BMP7: variants seen among roughly 807,000 people sequenced by gnomAD.
The protein encoded by BMP7 is bone morphogenetic protein 7.
In BMP7, 12 loss-of-function variants were observed where a neutral mutation model predicts 41.2. The observed-to-expected ratio is 0.29, with a 90% confidence interval of 0.19 to 0.47. BMP7 has a LOEUF of 0.47. BMP7 is among the 20% of genes least tolerant of loss of function. The pLI is 0.99. For missense variants in BMP7, 467 were observed against 606.0 expected, an observed-to-expected ratio of 0.77 and a Z score of 2.41; for synonymous variants, 248 against 250.0, an observed-to-expected ratio of 0.99 and a Z score of 0.07.
At chr20:57,240,901 T>C (rs1001697172) in intron 1 of BMP7, among the ~76,000 whole-genome samples, 4 of 152,212 alleles carry the variant, frequency 2.6e-5, no homozygotes, top group Non-Finnish European at 5.9e-5. Flanking sequence ...CAAGTTGAGA[T>C]TTGGTAGGGA....
chr20:57,236,806 G>T (rs1156844495), intron 1 of BMP7, among the ~76,000 whole-genome samples: 4 of 151,642 alleles, frequency 2.6e-5, no homozygotes, highest in African/African-American at 9.7e-5. Flanking sequence ...GTGGCCAGTT[G>T]CACATGAAAG....
intron 1 of BMP7, among the ~76,000 whole-genome samples, chr20:57,248,298 C>G (rs1313052797): frequency 6.6e-6 from 1 of 152,142 alleles, no homozygotes; most frequent in Non-Finnish European, 1.5e-5. Context: ...ATGTGGCCAC[C>G]CAACAACCAC....
intron 1 of BMP7, among the ~76,000 whole-genome samples, chr20:57,250,868 T>C (rs1055257082): frequency 6.6e-6 from 1 of 152,148 alleles, no homozygotes; most frequent in Non-Finnish European, 1.5e-5. Context: ...ATACACCCAG[T>C]TTCCTGTTTT....
chr20:57,264,851 G>T (rs1256988102), intron 1 of BMP7, among the ~76,000 whole-genome samples: 1 of 151,940 alleles, frequency 6.6e-6, no homozygotes, highest in Non-Finnish European at 1.5e-5. Context: ...GCCTAACATG[G>T]AGAAACCCTG....
chr20:57,201,967 A>C (rs1363379453), intron 3 of BMP7, among the ~76,000 whole-genome samples: 1 of 152,248 alleles, frequency 6.6e-6, no homozygotes, highest in Non-Finnish European at 1.5e-5. Flanking sequence ...GCCTTGCACA[A>C]GGGCAATTTT....
rs2148328 is a variant in BMP7 at position 57,173,150 on chromosome 20, G to A, written c.1146+50C>T. 749,785 of 1,564,692 alleles carry A rather than the reference G, an allele frequency of 0.48. 184,948 individuals are homozygous for A. Among genetic ancestry groups the A allele is most frequent in the East Asian group, 0.67 (29,583 of 44,342 alleles). On this transcript the variant is annotated intron_variant, in intron 6 of 6. Coordinates refer to ENST00000395863, the MANE Select transcript of BMP7 (RefSeq NM_001719.3). ...GGAGGCAGCAGGATCTGGTGGCCCC[G>A]CAGCCTGCCCGGCCCAGGTGACCAC...
chr20:57,183,208 C>T (rs1358254825), intron 4 of BMP7, among the ~76,000 whole-genome samples: 1 of 150,982 alleles, frequency 6.6e-6, no homozygotes, highest in Non-Finnish European at 1.5e-5. Context: ...GCACTGCAGC[C>T]TGGGTGACAG....
chr20:57,187,503 G>A (rs1568707657), intron 3 of BMP7, among the ~76,000 whole-genome samples: 1 of 151,474 alleles, frequency 6.6e-6, no homozygotes, highest in Non-Finnish European at 1.5e-5. Context: ...AAGTATCCTG[G>A]AGGTTTCTGG....
At chr20:57,205,471 G>T (rs929950751) in intron 2 of BMP7, among the ~76,000 whole-genome samples, 1 of 152,164 alleles carries the variant, frequency 6.6e-6, no homozygotes, top group Non-Finnish European at 1.5e-5. Context: ...TACCAAGGTT[G>T]TCAATGAACC....
chr20:57,179,314 C>T (rs1984014798), intron 4 of BMP7, among the ~76,000 whole-genome samples: 1 of 152,242 alleles, frequency 6.6e-6, no homozygotes. Flanking sequence ...ACAGCCCTGA[C>T]GCCAGCACCG....
At chr20:57,219,201 G>A (rs940182329) in intron 2 of BMP7, among the ~76,000 whole-genome samples, 4 of 142,980 alleles carry the variant, frequency 2.8e-5, no homozygotes, top group Admixed American at 2.0e-4. Context: ...GTGGTAGCTG[G>A]TGTTTGTTCG....
intron 2 of BMP7, among the ~76,000 whole-genome samples, chr20:57,217,109 C>A (rs35130793): frequency 0.41 from 61,900 of 151,958 alleles, 14,147 homozygotes; most frequent in Non-Finnish European, 0.52. Flanking sequence ...AGGAGAATGA[C>A]CATGACAGGT....
intron 3 of BMP7, among the ~76,000 whole-genome samples, chr20:57,196,823 A>C (rs1183263104): frequency 6.6e-6 from 1 of 152,166 alleles, no homozygotes; most frequent in African/African-American, 2.4e-5. Context: ...ACCCCATCTC[A>C]AAAATAATCT....
chr20:57,216,958 G>A (rs1448391741), intron 2 of BMP7, among the ~76,000 whole-genome samples: 1 of 152,162 alleles, frequency 6.6e-6, no homozygotes. Context: ...GTGATGCTGG[G>A]GAAGCTGGAG....
chr20:57,217,072 C>T (rs46997), intron 2 of BMP7, among the ~76,000 whole-genome samples: 99,530 of 152,032 alleles, frequency 0.65, 33,677 homozygotes, highest in African/African-American at 0.83. Context: ...GGGATGGAGG[C>T]AGGACTCAGC....
At position 57,265,811 on chromosome 20, in the gene BMP7, G is replaced by A. The variant is rs745308771; in HGVS notation, c.312C>T (p.Ser104=). 6.2e-7 allele frequency: 1 copy of A among 1,608,470 alleles called. No individual in the cohort carries two copies. Among genetic ancestry groups the A allele is most frequent in the Non-Finnish European group, 8.5e-7 (1 of 1,177,886 alleles). Residue 104 remains serine, a synonymous_variant, in exon 1 of 7, where the codon TCC becomes TCT. Coordinates refer to ENST00000395863, the MANE Select transcript of BMP7 (RefSeq NM_001719.3). ...TACTGAAGACGGCCTTGTAGGGGTA[G>A]GAGAAGCCCTGGCCGCCGGGCCCGC... The part of the protein sequence containing the change: ...EGGGPGGQGF[S]YPYKAVFSTQ...
intron 3 of BMP7, among the ~76,000 whole-genome samples, chr20:57,198,405 T>C (rs1003796446): frequency 6.6e-6 from 1 of 152,142 alleles, no homozygotes; most frequent in African/African-American, 2.4e-5. Context: ...TCCTCTCTTC[T>C]GTATTAAGGG....
At chr20:57,258,068 C>A (rs995875486) in intron 1 of BMP7, among the ~76,000 whole-genome samples, 3 of 152,050 alleles carry the variant, frequency 2.0e-5, no homozygotes, top group African/African-American at 7.2e-5. Context: ...TTATTCGTGG[C>A]CAATTTTAAT....
At chr20:57,197,242 A>C (rs975013063) in intron 3 of BMP7, among the ~76,000 whole-genome samples, 1 of 151,886 alleles carries the variant, frequency 6.6e-6, no homozygotes, top group Admixed American at 6.6e-5. Context: ...AGCCCATAGA[A>C]GTCAAGGGCA....
Sources: gnomAD v4.1 joint callset for allele counts (sites outside exome capture counted in the v4.1 genomes callset) on GRCh38, gnomAD v4.1.1 for gene constraint, MANE v1.5 for transcripts, NCBI Gene and HGNC (gene_info 2026-07-23, HGNC 2026-07-21) for gene names.